TRAK2: variants seen among roughly 807,000 people sequenced by gnomAD.
The protein encoded by TRAK2 is trafficking kinesin protein 2, also known as trafficking kinesin-binding protein 2.
In TRAK2, 81 loss-of-function variants were observed where a neutral mutation model predicts 104.6. The ratio of observed to expected loss-of-function variants is 0.77; its 90% confidence interval spans 0.65 to 0.93. The LOEUF (loss-of-function observed/expected upper bound fraction) is 0.93, where lower values mean the gene tolerates loss of function less well. Ranked by LOEUF, TRAK2 falls within the 40% of genes least tolerant of loss-of-function variation. The pLI is 0.00. For missense variants in TRAK2, 1,002 were observed against 1,089.0 expected (o/e 0.92, Z 1.12); for synonymous variants, 406 against 394.4 (o/e 1.03, Z -0.35).
At chr2:201,402,355 G>C (rs1006835277) in intron 3 of TRAK2, among the ~76,000 whole-genome samples, 2 of 152,006 alleles carry the variant, frequency 1.3e-5, no homozygotes, top group African/African-American at 4.8e-5. Flanking sequence ...TGGCACCACT[G>C]ACTAAAATGA....
chr2:201,438,923 A>T (rs1338088063), intron 1 of TRAK2, among the ~76,000 whole-genome samples: 2 of 152,222 alleles, frequency 1.3e-5, no homozygotes, highest in African/African-American at 2.4e-5. Context: ...TTAAGTGGGT[A>T]ATTCTACAAT....
chr2:201,437,706 TCCGTGGCCATAGTTTCC>T, intron 1 of TRAK2, among the ~76,000 whole-genome samples: 1 of 148,348 alleles, frequency 6.7e-6, no homozygotes, highest in East Asian at 2.1e-4. Context: ...TCCTTCTCTG[TCCGTGGCCATAGTTTCC>T]TACCGTGTCC....
At chr2:201,406,343 A>C (rs1337551597) in intron 3 of TRAK2, among the ~76,000 whole-genome samples, 1 of 152,246 alleles carries the variant, frequency 6.6e-6, no homozygotes, top group Non-Finnish European at 1.5e-5. Flanking sequence ...AGTATTTCAC[A>C]GTAGACATTC....
intron 1 of TRAK2, among the ~76,000 whole-genome samples, chr2:201,424,282 C>G (rs1951767486): frequency 6.6e-6 from 1 of 152,176 alleles, no homozygotes; most frequent in Non-Finnish European, 1.5e-5. Flanking sequence ...AACCAAATAT[C>G]ACCTGCTATG....
chr2:201,408,982 G>A (rs1237362688), intron 2 of TRAK2, among the ~76,000 whole-genome samples: 1 of 152,166 alleles, frequency 6.6e-6, no homozygotes, highest in Non-Finnish European at 1.5e-5. Context: ...CATGTGAGGT[G>A]AAGGAAATCG....
intron 3 of TRAK2, among the ~76,000 whole-genome samples, chr2:201,403,007 T>C (rs1576516081): frequency 1.3e-5 from 2 of 152,132 alleles, no homozygotes; most frequent in East Asian, 1.9e-4. Context: ...AACAAACACA[T>C]GACATGACTG....
chr2:201,440,709 T>C (rs940622105), intron 1 of TRAK2, among the ~76,000 whole-genome samples: 1 of 152,250 alleles, frequency 6.6e-6, no homozygotes, highest in African/African-American at 2.4e-5. Flanking sequence ...ACTGTAATTT[T>C]TGCTTTTAAC....
intron 1 of TRAK2, among the ~76,000 whole-genome samples, chr2:201,425,804 A>G (rs1486665050): frequency 6.6e-6 from 1 of 152,138 alleles, no homozygotes; most frequent in Non-Finnish European, 1.5e-5. Flanking sequence ...AAGGAACAGG[A>G]TAAAAGCAAA....
At chr2:201,411,556 A>T (rs1045863993) in intron 2 of TRAK2, 5 of 757,218 alleles carry the variant, frequency 6.6e-6, no homozygotes, top group South Asian at 4.0e-5. Context: ...TTTATGATGG[A>T]AATGAAAGAA....
At chr2:201,389,222 T>A in intron 12 of TRAK2, 78 bp downstream of exon 12, 3 of 1,339,548 alleles carry the variant, frequency 2.2e-6, no homozygotes, top group Non-Finnish European at 3.2e-6. Flanking sequence ...AGTAGAGTAA[T>A]GCTGGAATGT....
chr2:201,423,463 T>C (rs1246234412), intron 1 of TRAK2: 2 of 152,182 alleles, frequency 1.3e-5, no homozygotes, highest in African/African-American at 2.4e-5. Flanking sequence ...GAGTGATTGC[T>C]TAATGCGTAT....
At chr2:201,388,719 A>G (rs1297812159) in intron 12 of TRAK2, among the ~76,000 whole-genome samples, 1 of 152,234 alleles carries the variant, frequency 6.6e-6, no homozygotes. Context: ...CTCCTAAGAT[A>G]ATTGTGTGAC....
At chr2:201,382,759 T>A (rs927136646) in intron 15 of TRAK2, among the ~76,000 whole-genome samples, 29 of 152,234 alleles carry the variant, frequency 1.9e-4, no homozygotes, top group Admixed American at 3.9e-4. Flanking sequence ...GTTTCTATTT[T>A]ATAGACATGG....
intron 2 of TRAK2, chr2:201,411,460 T>C (rs540057343): frequency 2.0e-5 from 15 of 743,950 alleles, no homozygotes; most frequent in South Asian, 1.9e-4. Context: ...TGATTTCCTA[T>C]GTCCAAAGAT....
chr2:201,431,364 T>C (rs1553624195), intron 1 of TRAK2, among the ~76,000 whole-genome samples: 4 of 152,200 alleles, frequency 2.6e-5, no homozygotes, highest in Non-Finnish European at 5.9e-5. Flanking sequence ...AAAGTGTCAA[T>C]GGACCAAAAG....
intron 1 of TRAK2, among the ~76,000 whole-genome samples, chr2:201,445,047 A>G (rs1235611770): frequency 6.6e-6 from 1 of 152,216 alleles, no homozygotes; most frequent in Non-Finnish European, 1.5e-5. Flanking sequence ...ACAAATAAAT[A>G]TAGATAAGCT....
At chr2:201,420,791 AT>A in intron 1 of TRAK2, 85 bp from the exon 2 acceptor site, 1 of 288,988 alleles carries the variant, frequency 3.5e-6, no homozygotes, top group Non-Finnish European at 6.5e-6. Flanking sequence ...ATCATGAAAA[AT>A]GTTTTTCTAA....
chr2:201,384,441 C>G (rs1332143452), intron 14 of TRAK2, among the ~76,000 whole-genome samples: 1 of 150,750 alleles, frequency 6.6e-6, no homozygotes, highest in Non-Finnish European at 1.5e-5. Flanking sequence ...AAGGCATAAA[C>G]AAAGATTAGA....
In TRAK2 at chr2:201,379,735, C is replaced by T. The variant is rs11898629; in HGVS notation, c.*808G>A. On this transcript the variant is annotated 3_prime_UTR_variant, in exon 16 of 16. Coordinates refer to ENST00000332624, the MANE Select transcript of TRAK2 (RefSeq NM_015049.3). ...ACTGTACTTATTCAGACGAAATATT[C>T]TAAAAACAAGTTTTCTTGGTTTCAA... The T allele has an allele frequency of 0.089, 13,582 of 152,216 alleles. 1,344 individuals carry two copies. The highest frequency in any genetic ancestry group is 0.26 in the East Asian group (1,338 of 5,160). 9.4% of individuals were successfully genotyped at this position (152,216 alleles called of 1,614,324 possible).
Sources: allele counts gnomAD v4.1 joint callset (sites outside exome capture counted in the v4.1 genomes callset), GRCh38; gene constraint gnomAD v4.1.1; transcripts MANE v1.5; gene names NCBI Gene and HGNC (gene_info 2026-07-23, HGNC 2026-07-21).